The following DCAF8L2 variants were observed in gnomAD, a reference collection of about 807,000 sequenced individuals.
DCAF8L2 encodes DDB1- and CUL4-associated factor 8-like protein 2.
For missense variants in DCAF8L2, 430 were observed against 490.7 expected (o/e 0.88, Z 1.17); for synonymous variants, 200 against 190.9 (o/e 1.05, Z -0.39).
At chrX:27,560,899 A>G in the DCAF8L2 span, among the ~76,000 whole-genome samples, 1 of 112,211 alleles carries the variant, frequency 8.9e-6, no homozygotes, top group Admixed American at 9.5e-5. Context: ...TTCAACATGA[A>G]GTGTTTGCCA....
the DCAF8L2 span, among the ~76,000 whole-genome samples, chrX:27,473,876 C>T: frequency 9.0e-6 from 1 of 111,074 alleles, no homozygotes; most frequent in Admixed American, 9.7e-5. Context: ...AGGAAGAATA[C>T]GCATTTTTTG....
At chrX:27,521,164 C>G in the DCAF8L2 span, among the ~76,000 whole-genome samples, 2 of 112,214 alleles carry the variant, frequency 1.8e-5, no homozygotes, top group African/African-American at 6.5e-5. Context: ...ACATAATCTT[C>G]AGATGGCCAT....
At chrX:27,724,640 T>C (rs1325960740) in intron 4 of DCAF8L2, among the ~76,000 whole-genome samples, 5 of 111,640 alleles carry the variant, frequency 4.5e-5, no homozygotes, top group Non-Finnish European at 9.5e-5. Flanking sequence ...AAAAGAAATG[T>C]TATAAAAATC....
the DCAF8L2 span, among the ~76,000 whole-genome samples, chrX:27,527,669 T>C: frequency 5.5e-5 from 6 of 110,072 alleles, no homozygotes; most frequent in Non-Finnish European, 9.5e-5. Flanking sequence ...CCTCCGGATT[T>C]TTTTTTTTTT....
At chrX:27,636,010 A>G (rs1175179952) in intron 2 of DCAF8L2, among the ~76,000 whole-genome samples, 2 of 110,769 alleles carry the variant, frequency 1.8e-5, no homozygotes, top group Non-Finnish European at 3.8e-5. Flanking sequence ...ACAGGGTTTC[A>G]CCATGTTAGC....
chrX:27,612,878 A>T (rs1170912095), intron 1 of DCAF8L2, among the ~76,000 whole-genome samples: 1 of 111,737 alleles, frequency 8.9e-6, no homozygotes, highest in Non-Finnish European at 1.9e-5. Flanking sequence ...GAAGTCAGGT[A>T]GCGTGATACC....
chrX:27,646,772 A>T (rs767038367), intron 2 of DCAF8L2, among the ~76,000 whole-genome samples: 1 of 112,011 alleles, frequency 8.9e-6, no homozygotes, highest in East Asian at 2.8e-4. Context: ...TACTTCTCAA[A>T]AAAAAGACAT....
intron 3 of DCAF8L2, among the ~76,000 whole-genome samples, chrX:27,689,889 A>G (rs1473003157): frequency 1.8e-5 from 2 of 112,222 alleles, no homozygotes; most frequent in East Asian, 2.8e-4. Context: ...ATTAAGTGCC[A>G]TAAAGAAAAA....
intron 2 of DCAF8L2, among the ~76,000 whole-genome samples, chrX:27,640,548 C>T (rs1464549535): frequency 2.7e-5 from 3 of 112,380 alleles, no homozygotes; most frequent in Non-Finnish European, 3.8e-5. Context: ...CTTATGAATA[C>T]AGCTGCTATA....
chrX:27,645,399 G>C (rs1251525596), intron 2 of DCAF8L2, among the ~76,000 whole-genome samples: 1 of 111,150 alleles, frequency 9.0e-6, no homozygotes, highest in African/African-American at 3.3e-5. Context: ...CAATACACCA[G>C]GTATTGAAGG....
At chrX:27,547,740 G>A in the DCAF8L2 span, among the ~76,000 whole-genome samples, 6 of 111,008 alleles carry the variant, frequency 5.4e-5, no homozygotes, top group South Asian at 7.8e-4. Flanking sequence ...ATTACAATTC[G>A]AGATGAGATT....
chrX:27,696,332 A>G lies in DCAF8L2; in HGVS notation c.-143+18420A>G, dbSNP rs555091177. On this transcript the variant is annotated intron_variant, in intron 3 of 4. Transcript: ENST00000451261. ...AAAGAAAGAAAGAAAGAAAGAAAGAAAAAGAAAGAAAGAGAAAGAAAATTG... is the reference window on the plus strand; with the variant it reads ...AAAGAAAGAAAGAAAGAAAGAAAGAGAAAGAAAGAAAGAGAAAGAAAATTG... Among the ~76,000 whole-genome samples the G allele has an allele frequency of 3.4e-3, 108 of 31,668 alleles. 1 individual carries two copies. Among genetic ancestry groups the G allele is most frequent in the South Asian group, 0.013 (17 of 1,355 alleles). 27.5% of individuals were successfully genotyped at this position (31,668 alleles called of 115,157 possible). A position where few individuals can be genotyped will look rare whatever the true frequency, so the allele number is the denominator to read the frequency against.
intron 2 of DCAF8L2, among the ~76,000 whole-genome samples, chrX:27,657,979 T>C (rs746644699): frequency 6.2e-5 from 7 of 112,718 alleles, no homozygotes; most frequent in African/African-American, 2.2e-4. Context: ...CCAGTGGCAG[T>C]AGAAATATAA....
At chrX:27,588,554 C>T (rs1263423310), upstream of DCAF8L2, among the ~76,000 whole-genome samples, 1 of 111,244 alleles carries the variant, frequency 9.0e-6, no homozygotes, top group Non-Finnish European at 1.9e-5. Flanking sequence ...TGAGGAATCT[C>T]CAAACTGTTT....
the DCAF8L2 span, among the ~76,000 whole-genome samples, chrX:27,512,778 G>GAAAAAAAAAA: frequency 1.2e-3 from 3 of 2,523 alleles, no homozygotes; most frequent in African/African-American, 7.6e-3. Flanking sequence ...ACAATCTTGA[G>GAAAAAAAAAA]CAAAAAAAAA....
At chrX:27,625,364 A>G (rs5971205) in intron 1 of DCAF8L2, among the ~76,000 whole-genome samples, 25,643 of 111,291 alleles carry the variant, frequency 0.23, 2,647 homozygotes, top group Middle Eastern at 0.32. Flanking sequence ...TGGTGAGGTT[A>G]TAGAGAAAAT....
chrX:27,629,881 C>T (rs1345872951), intron 1 of DCAF8L2, among the ~76,000 whole-genome samples: 1 of 111,572 alleles, frequency 9.0e-6, no homozygotes, highest in Non-Finnish European at 1.9e-5. Context: ...ATAGCAATGA[C>T]TCTGTAGGCC....
chrX:27,713,360 T>C (rs1931591570), intron 3 of DCAF8L2, among the ~76,000 whole-genome samples: 1 of 111,491 alleles, frequency 9.0e-6, no homozygotes, highest in African/African-American at 3.3e-5. Flanking sequence ...GACTGAAAAT[T>C]GGCTGGTAAA....
At chrX:27,710,189 T>C (rs1194355765) in intron 3 of DCAF8L2, among the ~76,000 whole-genome samples, 1 of 111,746 alleles carries the variant, frequency 8.9e-6, no homozygotes, top group Non-Finnish European at 1.9e-5. Context: ...ATTGCACCAT[T>C]AGAGTAACTC....
Sources: gnomAD v4.1 joint callset for allele counts (sites outside exome capture counted in the v4.1 genomes callset) on GRCh38, gnomAD v4.1.1 for gene constraint, MANE v1.5 for transcripts, NCBI Gene and HGNC (gene_info 2026-07-23, HGNC 2026-07-21) for gene names.